Variants in GPC6 observed in about 807,000 individuals in gnomAD.
GPC6 encodes the protein glypican-6.
Under a neutral mutation model 55.2 loss-of-function variants are expected in GPC6, and 14 were observed. The ratio of observed to expected loss-of-function variants is 0.25; its 90% CI spans 0.17 to 0.40. GPC6 has a LOEUF of 0.40. Ranked by LOEUF, GPC6 falls within the 10% of genes least tolerant of loss-of-function variation. The pLI is 1.00. For synonymous variants in GPC6, 278 were observed against 259.6 expected (o/e 1.07, Z -0.68); for missense variants, 641 against 708.5 (o/e 0.90, Z 1.08).
intron 4 of GPC6, among the ~76,000 whole-genome samples, chr13:94,235,730 A>G (rs1890859041): frequency 6.6e-6 from 1 of 152,168 alleles, no homozygotes; most frequent in Non-Finnish European, 1.5e-5. Context: ...GAAAATCTAC[A>G]CTGGTCCTTC....
chr13:93,778,246 C>T (rs1226533216), intron 2 of GPC6, among the ~76,000 whole-genome samples: 1 of 152,046 alleles, frequency 6.6e-6, no homozygotes, highest in African/African-American at 2.4e-5. Flanking sequence ...ATGTTGTTCT[C>T]CTTTGACAGA....
At position 93,335,085 on chromosome 13, in the gene GPC6, C is replaced by T. The variant is rs76019574; in HGVS notation, c.160+107469C>T. On this transcript the variant is annotated intron_variant, in intron 1 of 8. Transcript: ENST00000377047. ...TTGATGCATCTTGAAAATCATTCCT[C>T]AAGTTTATTATCACTTCCATTCCCC... is the stretch of plus-strand genomic sequence containing the variant. Among the ~76,000 whole-genome samples, 43 of 152,284 alleles carry T rather than the reference C, an allele frequency of 2.8e-4. No homozygotes were observed. In the East Asian group the frequency reaches 7.5e-3, roughly 27 times the overall value.
chr13:93,326,659 T>A (rs68039844), intron 1 of GPC6, among the ~76,000 whole-genome samples: 14,615 of 152,224 alleles, frequency 0.096, 799 homozygotes, highest in Admixed American at 0.13. Flanking sequence ...CAGAACATAT[T>A]TTGTTGACTT....
rs9556299 is a variant in GPC6 at position 93,484,027 on chromosome 13, T to A, written c.161-61236T>A. ...CCTTGTTTAGACTCTTAGAGCAAAT[T>A]GGTTTTAACTTAATCCTGGGAAAAG... is the stretch of plus-strand genomic sequence containing the variant. On this transcript the variant is annotated intron_variant, in intron 1 of 8. Coordinates refer to ENST00000377047, the MANE Select transcript of GPC6 (RefSeq NM_005708.5). 0.014 allele frequency among the ~76,000 whole-genome samples: 2,111 copies of A among 152,280 alleles called. 217 individuals are homozygous for A. The East Asian group carries it at 0.28, about 20-fold the overall frequency.
chr13:93,712,265 C>T (rs772968965), intron 2 of GPC6, among the ~76,000 whole-genome samples: 13 of 151,706 alleles, frequency 8.6e-5, no homozygotes, highest in Non-Finnish European at 1.8e-4. Flanking sequence ...AATGCCAAGA[C>T]ACTATTGACA....
intron 1 of GPC6, among the ~76,000 whole-genome samples, chr13:93,537,533 A>C (rs527974962): frequency 6.8e-6 from 1 of 146,578 alleles, no homozygotes; most frequent in Non-Finnish European, 1.5e-5. Context: ...TTATCTAGTC[A>C]TTTTGTGTGT....
At chr13:94,387,932 G>A (rs1880483196) in intron 7 of GPC6, among the ~76,000 whole-genome samples, 2 of 152,136 alleles carry the variant, frequency 1.3e-5, no homozygotes, top group Non-Finnish European at 2.9e-5. Flanking sequence ...TGTCATAGAA[G>A]CCCAAGCTAA....
intron 2 of GPC6, among the ~76,000 whole-genome samples, chr13:93,675,456 A>G (rs1372023030): frequency 1.3e-5 from 2 of 152,138 alleles, no homozygotes; most frequent in African/African-American, 4.8e-5. Flanking sequence ...GTTCACCAGT[A>G]TTCACAATAT....
intron 2 of GPC6, among the ~76,000 whole-genome samples, chr13:93,806,074 A>G (rs1886534058): frequency 6.6e-6 from 1 of 152,162 alleles, no homozygotes; most frequent in Admixed American, 6.5e-5. Context: ...TAGAAATTTC[A>G]GTATTAAATC....
chr13:94,352,889 A>G (rs902292739), intron 6 of GPC6, among the ~76,000 whole-genome samples: 2 of 152,190 alleles, frequency 1.3e-5, no homozygotes, highest in African/African-American at 4.8e-5. Context: ...ATTCACCTGT[A>G]TGTAAAAATG....
At chr13:94,286,506 A>AATACCTGTATAAC in intron 5 of GPC6, 27 bp downstream of exon 5, 2 of 1,596,480 alleles carry the variant, frequency 1.3e-6, no homozygotes, top group Non-Finnish European at 1.7e-6. Flanking sequence ...TGTATCTGCC[A>AATACCTGTATAAC]ATACATGTAT....
chr13:94,163,312 A>G (rs1485233241), intron 4 of GPC6, among the ~76,000 whole-genome samples: 2 of 151,810 alleles, frequency 1.3e-5, no homozygotes, highest in East Asian at 3.9e-4. Context: ...GTTTTGTTTC[A>G]TCTCCATCCC....
chr13:93,726,874 G>A (rs1318126938), intron 2 of GPC6, among the ~76,000 whole-genome samples: 2 of 152,080 alleles, frequency 1.3e-5, no homozygotes, highest in Non-Finnish European at 2.9e-5. Flanking sequence ...TCATTAGCAT[G>A]CTCAGTGTAA....
chr13:93,301,121 C>G (rs1451575865), intron 1 of GPC6, among the ~76,000 whole-genome samples: 1 of 152,206 alleles, frequency 6.6e-6, no homozygotes, highest in East Asian at 1.9e-4. Flanking sequence ...TTTACTAACT[C>G]ATTTACGCAT....
chr13:93,324,830 G>A (rs1030246085), intron 1 of GPC6, among the ~76,000 whole-genome samples: 1 of 151,890 alleles, frequency 6.6e-6, no homozygotes, highest in African/African-American at 2.4e-5. Context: ...AGAGATTTCA[G>A]CTTTGGAGCT....
At chr13:93,734,536 G>A (rs538073975) in intron 2 of GPC6, among the ~76,000 whole-genome samples, 1 of 152,188 alleles carries the variant, frequency 6.6e-6, no homozygotes, top group African/African-American at 2.4e-5. Context: ...TTTAATTTGG[G>A]AGTAAGAATT....
intron 3 of GPC6, among the ~76,000 whole-genome samples, chr13:93,853,497 T>C (rs958569381): frequency 6.6e-6 from 1 of 151,712 alleles, no homozygotes; most frequent in Non-Finnish European, 1.5e-5. Flanking sequence ...TAAATTGTTC[T>C]AATAGACCGT....
chr13:93,943,117 A>T (rs967488942), intron 3 of GPC6, among the ~76,000 whole-genome samples: 10 of 152,182 alleles, frequency 6.6e-5, no homozygotes, highest in African/African-American at 2.4e-4. Flanking sequence ...CAGCTAACAG[A>T]TTGTAAGCAC....
At chr13:93,732,602 C>G (rs868756361) in intron 2 of GPC6, among the ~76,000 whole-genome samples, 8 of 151,988 alleles carry the variant, frequency 5.3e-5, no homozygotes, top group Admixed American at 2.6e-4. Flanking sequence ...TACATATTTC[C>G]TGGAAAACTA....
Sources: allele counts gnomAD v4.1 joint callset (sites outside exome capture counted in the v4.1 genomes callset), GRCh38; gene constraint gnomAD v4.1.1; transcripts MANE v1.5; gene names NCBI Gene and HGNC (gene_info 2026-07-23, HGNC 2026-07-21).